The following KMT2C variants were observed in gnomAD, a reference collection of about 807,000 sequenced individuals.
KMT2C encodes lysine methyltransferase 2C.
Under a neutral mutation model 507.9 loss-of-function variants are expected in KMT2C, and 88 were observed. The observed-to-expected ratio is 0.17, with a 90% confidence interval of 0.15 to 0.21. The LOEUF (loss-of-function observed/expected upper bound fraction) is 0.21, where lower values mean the gene tolerates loss of function less well. KMT2C is among the 10% of genes least tolerant of loss of function. The pLI is 1.00. For synonymous variants in KMT2C, 2,049 were observed against 2,080.8 expected (o/e 0.98, Z 0.42); for missense variants, 4,954 against 5,957.8 (o/e 0.83, Z 5.55).
intron 2 of KMT2C, among the ~76,000 whole-genome samples, chr7:152,349,194 C>A (rs1334468797): frequency 1.3e-5 from 2 of 152,152 alleles, no homozygotes; most frequent in Non-Finnish European, 2.9e-5. Context: ...GCCTGTAATC[C>A]CAGCATTTTG....
chr7:152,173,449 G>C (rs972722325), intron 39 of KMT2C, among the ~76,000 whole-genome samples: 2 of 152,072 alleles, frequency 1.3e-5, no homozygotes, highest in African/African-American at 4.8e-5. Flanking sequence ...TATTTAGTAG[G>C]TCTGCAGTAG....
At chr7:152,333,054 A>G (rs1589252103) in intron 2 of KMT2C, among the ~76,000 whole-genome samples, 1 of 152,196 alleles carries the variant, frequency 6.6e-6, no homozygotes, top group Admixed American at 6.5e-5. Context: ...CAGAGATATA[A>G]TAGTCTAATA....
chr7:152,245,354 T>A (rs201201146), intron 14 of KMT2C, among the ~76,000 whole-genome samples: 6 of 148,704 alleles, frequency 4.0e-5, no homozygotes, highest in Admixed American at 1.3e-4. Context: ...ATGTGACCAC[T>A]GAGCACTTCT....
At chr7:152,255,117 A>G (rs1175128326) in intron 9 of KMT2C, among the ~76,000 whole-genome samples, 6 of 96,460 alleles carry the variant, frequency 6.2e-5, no homozygotes, top group Admixed American at 4.9e-4. Flanking sequence ...ACTTATATAT[A>G]TATATATATA....
At chr7:152,325,032 T>A (rs2096813934) in intron 3 of KMT2C, among the ~76,000 whole-genome samples, 1 of 152,066 alleles carries the variant, frequency 6.6e-6, no homozygotes, top group South Asian at 2.1e-4. Context: ...CATATGAACA[T>A]AAGTTCTTTG....
chr7:152,397,344 T>C (rs567682788), intron 1 of KMT2C, among the ~76,000 whole-genome samples: 1 of 152,158 alleles, frequency 6.6e-6, no homozygotes, highest in Non-Finnish European at 1.5e-5. Context: ...ACACTTCTGA[T>C]TGCCTTTCTC....
chr7:152,241,216 T>C (rs909667718), intron 14 of KMT2C, among the ~76,000 whole-genome samples: 15 of 152,272 alleles, frequency 9.9e-5, no homozygotes, highest in African/African-American at 3.4e-4. Context: ...TTCTTTCTTT[T>C]TGAGATGGAG....
At chr7:152,312,055 T>C (rs186611541) in intron 4 of KMT2C, 109 bp from the exon 5 acceptor site, 464 of 788,798 alleles carry the variant, frequency 5.9e-4, no homozygotes, top group Admixed American at 7.6e-4. Context: ...TTATCAGCCA[T>C]TAACTGTCAT....
intron 1 of KMT2C, among the ~76,000 whole-genome samples, chr7:152,408,958 A>T (rs796275257): frequency 6.6e-6 from 1 of 152,116 alleles, no homozygotes; most frequent in Admixed American, 6.5e-5. Context: ...TTCACTTAAC[A>T]TGCATCTAAT....
At chr7:152,143,492 C>A (rs1272532130) in intron 55 of KMT2C, among the ~76,000 whole-genome samples, 1 of 152,212 alleles carries the variant, frequency 6.6e-6, no homozygotes, top group Admixed American at 6.5e-5. Context: ...TGGGCTGGGG[C>A]CCCCGAACCT....
At position 152,310,071 on chromosome 7, in the gene KMT2C, A is replaced by C; in HGVS notation, c.744T>G (p.Thr248=). Residue 248 remains threonine, a synonymous_variant, in exon 6 of 59, where the codon ACT becomes ACG. Coordinates refer to ENST00000262189, the MANE Select transcript of KMT2C (RefSeq NM_170606.3). ...DIQALFDSTG[T]CWAHHRCVEW... is the part of the protein sequence containing the mutation. ...CCACACAACGGTGATGAGCCCAACA[A>C]GTGCCTAAAATGGGAAAAATGAAAA... The C allele has an allele frequency of 6.2e-7, 1 of 1,604,610 alleles. No individual in the cohort carries two copies. Among genetic ancestry groups the C allele is most frequent in the Non-Finnish European group, 8.5e-7 (1 of 1,175,206 alleles).
chr7:152,326,753 C>T (rs936016154), intron 3 of KMT2C, among the ~76,000 whole-genome samples: 15 of 152,016 alleles, frequency 9.9e-5, no homozygotes, highest in Non-Finnish European at 1.2e-4. Flanking sequence ...TGGTGGCAGG[C>T]GCCTGTGGTC....
chr7:152,180,911 G>T lies in KMT2C; in HGVS notation c.6949C>A (p.Gln2317Lys). 6.2e-7 allele frequency: 1 copy of T among 1,614,142 alleles called. No homozygotes were observed. Among genetic ancestry groups the T allele is most frequent in the South Asian group, 1.1e-5 (1 of 91,056 alleles). The change falls in exon 36 of 59, where the codon CAA (glutamine) becomes AAA (lysine). Residue 2317 changes from glutamine to lysine, a missense_variant. This residue lies in a region of KMT2C where 1,689 missense variants were observed against 1,654.3 expected (regional missense o/e 1.02). Transcript: ENST00000262189. ...RSQSDSFGTS[Q>K]TAHDVADQPR... Reference sequence around the variant, plus strand: ...TGATCAGCAACATCATGGGCAGTTTGACTTGTTCCAAAAGAGTCAGACTGA... The same window carrying T: ...TGATCAGCAACATCATGGGCAGTTTTACTTGTTCCAAAAGAGTCAGACTGA...
intron 7 of KMT2C, among the ~76,000 whole-genome samples, chr7:152,272,878 T>C (rs552674674): frequency 1.3e-5 from 2 of 152,260 alleles, no homozygotes; most frequent in African/African-American, 4.8e-5. Flanking sequence ...AAAAAGCTTT[T>C]ATTAACATTG....
In KMT2C at chr7:152,187,380, C is replaced by T. The variant is rs750399150; in HGVS notation, c.4890G>A (p.Ser1630=). ...PTVEGENDTM[S]NAQRSTLKWE... is the part of the protein sequence containing the mutation. ...ACTTAAGCGTGCTTCTCTGGGCATT[C>T]GACATTGTGTCATTTTCTCCTTCCA... Residue 1630 remains serine, a synonymous_variant, in exon 33 of 59, where the codon TCG becomes TCA. Transcript: ENST00000262189. 38 of 1,613,882 alleles carry T rather than the reference C, an allele frequency of 2.4e-5. 1 individual carries two copies. The Admixed American group carries it at 2.8e-4, about 12-fold the overall frequency.
chr7:152,256,118 C>T (rs2095657836), intron 9 of KMT2C, among the ~76,000 whole-genome samples: 1 of 152,028 alleles, frequency 6.6e-6, no homozygotes, highest in Non-Finnish European at 1.5e-5. Context: ...TGCAATGACC[C>T]AAGATTGAGC....
At chr7:152,185,327 A>G (rs2093592822) in intron 34 of KMT2C, among the ~76,000 whole-genome samples, 1 of 152,214 alleles carries the variant, frequency 6.6e-6, no homozygotes, top group South Asian at 2.1e-4. Flanking sequence ...CCCCTAAAAC[A>G]GCTGATTTTC....
chr7:152,198,411 A>T (rs1175895629), intron 27 of KMT2C, among the ~76,000 whole-genome samples: 1 of 152,260 alleles, frequency 6.6e-6, no homozygotes. Context: ...AGATTGCTTT[A>T]AAATTGTTTT....
chr7:152,266,840 C>T (rs1338285787), intron 7 of KMT2C, among the ~76,000 whole-genome samples: 1 of 152,060 alleles, frequency 6.6e-6, no homozygotes, highest in African/African-American at 2.4e-5. Flanking sequence ...TGGACGCTGG[C>T]TGGACCTCTG....
Sources: allele counts gnomAD v4.1 joint callset (sites outside exome capture counted in the v4.1 genomes callset), GRCh38; gene constraint gnomAD v4.1.1; regional missense constraint gnomAD v4.1.1; transcripts MANE v1.5; gene names NCBI Gene and HGNC (gene_info 2026-07-23, HGNC 2026-07-21).